The following IFT43 variants were observed in gnomAD, a reference collection of about 807,000 sequenced individuals.
The protein encoded by IFT43 is intraflagellar transport protein 43 homolog.
In IFT43, 33 loss-of-function variants were observed where a neutral mutation model predicts 32.3. That is an observed-to-expected ratio of 1.02 (90% confidence interval 0.77 to 1.37). IFT43 has a LOEUF of 1.37. Ranked by LOEUF, IFT43 falls within the 40% of genes most tolerant of loss-of-function variation. The probability of loss-of-function intolerance (pLI) is 0.00; values close to 1 mark genes in which losing one functional copy is unlikely to be tolerated. For missense variants in IFT43, 274 were observed against 265.9 expected (o/e 1.03, Z -0.21); for synonymous variants, 93 against 98.2 (o/e 0.95, Z 0.31).
intron 5 of IFT43, among the ~76,000 whole-genome samples, chr14:76,071,949 A>G (rs531285375): frequency 4.2e-4 from 64 of 152,010 alleles, no homozygotes; most frequent in Non-Finnish European, 8.7e-4. Context: ...GAGGAGGCCC[A>G]TCTCCACCTG....
intron 3 of IFT43, among the ~76,000 whole-genome samples, chr14:76,030,684 T>TCA (rs2036494254): frequency 6.6e-6 from 1 of 152,202 alleles, no homozygotes; most frequent in African/African-American, 2.4e-5. Flanking sequence ...TTAGAATATA[T>TCA]CACACTAAGG....
chr14:75,989,050 T>A (rs916553597), intron 2 of IFT43, 73 bp downstream of exon 2: 9 of 1,560,890 alleles, frequency 5.8e-6, no homozygotes, highest in Non-Finnish European at 7.9e-6. Context: ...GACCAAGGAT[T>A]TGGTATTCCA....
intron 5 of IFT43, 123 bp downstream of exon 5, chr14:76,059,496 C>A: frequency 2.3e-6 from 2 of 880,024 alleles, no homozygotes; most frequent in Non-Finnish European, 3.8e-6. Flanking sequence ...TCTTCTGACG[C>A]ATGCTGATGC....
chr14:75,999,258 TATATATATATATATGTATATA>T (rs1470088188), intron 2 of IFT43, among the ~76,000 whole-genome samples: 32 of 13,850 alleles, frequency 2.3e-3, no homozygotes, highest in African/African-American at 8.0e-3. Context: ...TATATATATA[TATATATATATATATGTATATA>T]TATTTTTTTT....
At chr14:75,994,887 G>A (rs1201658420) in intron 2 of IFT43, among the ~76,000 whole-genome samples, 2 of 152,194 alleles carry the variant, frequency 1.3e-5, no homozygotes, top group Non-Finnish European at 1.5e-5. Context: ...GCTTTCTACC[G>A]AAAAGTTACC....
chr14:76,014,544 A>G (rs967297532), intron 2 of IFT43, among the ~76,000 whole-genome samples: 7 of 152,034 alleles, frequency 4.6e-5, no homozygotes, highest in African/African-American at 1.7e-4. Flanking sequence ...TTGCTACAGG[A>G]GAGTTATATA....
chr14:76,046,979 T>C (rs1398681374), intron 3 of IFT43, among the ~76,000 whole-genome samples: 1 of 152,156 alleles, frequency 6.6e-6, no homozygotes, highest in Admixed American at 6.5e-5. Flanking sequence ...AGGGCTACTT[T>C]ATACTTCCAA....
In IFT43 at chr14:76,083,453, G is replaced by A. The variant is rs569214502; in HGVS notation, c.508-5G>A. The A allele has an allele frequency of 6.2e-7, 1 of 1,614,176 alleles. No individual in the cohort carries two copies. Among genetic ancestry groups the A allele is most frequent in the South Asian group, 1.1e-5 (1 of 91,088 alleles). ...TGTCTTACCCAGCGAAACCCTTCTTGGCAGGATGATGTCGGCTGGGACTGG... is the reference window on the plus strand; with the variant it reads ...TGTCTTACCCAGCGAAACCCTTCTTAGCAGGATGATGTCGGCTGGGACTGG... On this transcript the variant is annotated splice_region_variant and splice_polypyrimidine_tract_variant and intron_variant, in intron 8 of 8. Coordinates refer to ENST00000314067, the MANE Select transcript of IFT43 (RefSeq NM_001102564.3).
At chr14:76,064,513 G>C (rs1266771730) in intron 5 of IFT43, among the ~76,000 whole-genome samples, 2 of 152,230 alleles carry the variant, frequency 1.3e-5, no homozygotes, top group Non-Finnish European at 2.9e-5. Flanking sequence ...TGTAATGCTA[G>C]AGCAACGATT....
intron 2 of IFT43, among the ~76,000 whole-genome samples, chr14:75,993,487 GTTC>G (rs2035681737): frequency 6.6e-6 from 1 of 152,150 alleles, no homozygotes; most frequent in Non-Finnish European, 1.5e-5. Context: ...GATCTGCCTG[GTTC>G]CCATTTCCGT....
intron 2 of IFT43, among the ~76,000 whole-genome samples, chr14:76,010,907 T>G (rs2036071668): frequency 1.3e-5 from 2 of 150,108 alleles, no homozygotes; most frequent in Non-Finnish European, 3.0e-5. Flanking sequence ...ACTTCTCCTT[T>G]TTTTTTTTTT....
chr14:76,083,738 T>G lies in IFT43; in HGVS notation c.*161T>G, dbSNP rs763458237. 4.0e-6 allele frequency: 3 copies of G among 743,314 alleles called. No individual in the cohort carries two copies. Among genetic ancestry groups the G allele is most frequent in the Non-Finnish European group, 7.0e-6 (3 of 426,944 alleles). 46.0% of individuals were successfully genotyped at this position (743,314 alleles called of 1,614,324 possible). On this transcript the variant is annotated 3_prime_UTR_variant, in exon 9 of 9. Transcript: ENST00000314067. Reference sequence around the variant, plus strand: ...CAATTGCAATAAATTGCTTATTCTGTGCCATCTCCTCCATTTCTTTCCAGT... The same window carrying G: ...CAATTGCAATAAATTGCTTATTCTGGGCCATCTCCTCCATTTCTTTCCAGT...
chr14:75,992,328 A>C (rs1282662863), intron 2 of IFT43, among the ~76,000 whole-genome samples: 1 of 152,210 alleles, frequency 6.6e-6, no homozygotes, highest in East Asian at 1.9e-4. Context: ...ATACGCATTG[A>C]GACGCTTTTT....
At chr14:76,023,000 T>G (rs957607197) in intron 3 of IFT43, among the ~76,000 whole-genome samples, 3 of 152,170 alleles carry the variant, frequency 2.0e-5, no homozygotes, top group Non-Finnish European at 2.9e-5. Context: ...GCATGAATAT[T>G]TATACCATAA....
At chr14:76,047,279 C>T (rs949096102) in intron 3 of IFT43, among the ~76,000 whole-genome samples, 1 of 152,156 alleles carries the variant, frequency 6.6e-6, no homozygotes, top group African/African-American at 2.4e-5. Flanking sequence ...GCACGTATAC[C>T]TTGGCTGGCC....
intron 3 of IFT43, among the ~76,000 whole-genome samples, chr14:76,043,158 T>G (rs1294675307): frequency 6.6e-6 from 1 of 152,226 alleles, no homozygotes; most frequent in African/African-American, 2.4e-5. Context: ...TGTGTGAACA[T>G]CTGAAACATA....
intron 5 of IFT43, among the ~76,000 whole-genome samples, chr14:76,078,537 A>G (rs1338369298): frequency 6.6e-6 from 1 of 152,240 alleles, no homozygotes; most frequent in Non-Finnish European, 1.5e-5. Flanking sequence ...AATGAATGAA[A>G]GAATGAATGA....
At chr14:76,039,244 G>A (rs1035008209) in intron 3 of IFT43, among the ~76,000 whole-genome samples, 18 of 151,876 alleles carry the variant, frequency 1.2e-4, no homozygotes, top group African/African-American at 4.1e-4. Context: ...GCTGTCCTCC[G>A]GCCTCAGCCT....
chr14:76,014,412 T>G (rs1040367779), intron 2 of IFT43, among the ~76,000 whole-genome samples: 1 of 152,230 alleles, frequency 6.6e-6, no homozygotes, highest in African/African-American at 2.4e-5. Context: ...TGCCACATTA[T>G]GATCAAGTTG....
Sources: gnomAD v4.1 joint callset for allele counts (sites outside exome capture counted in the v4.1 genomes callset) on GRCh38, gnomAD v4.1.1 for gene constraint, MANE v1.5 for transcripts, NCBI Gene and HGNC (gene_info 2026-07-23, HGNC 2026-07-21) for gene names.